Variants in LRWD1 observed in about 807,000 individuals in gnomAD.
The protein encoded by LRWD1 is leucine-rich repeat and WD repeat-containing protein 1.
In LRWD1, 76 loss-of-function variants were observed where a neutral mutation model predicts 75.6. The ratio of observed to expected loss-of-function variants is 1.01; its 90% CI spans 0.84 to 1.22. The LOEUF (loss-of-function observed/expected upper bound fraction) is 1.22, where lower values mean the gene tolerates loss of function less well. LRWD1 is among the 50% of genes most tolerant of loss of function. The pLI, the probability that LRWD1 is intolerant of heterozygous loss-of-function variation, is 0.00. For synonymous variants in LRWD1, 487 were observed against 377.0 expected (o/e 1.29, Z -3.38); for missense variants, 917 against 862.0 (o/e 1.06, Z -0.80).
At position 102,469,859 on chromosome 7, in the gene LRWD1, G is replaced by A. The variant is rs1798134053; in HGVS notation, c.1419G>A (p.Arg473=). Residue 473 remains arginine (R), a synonymous_variant, in exon 11 of 15, where the codon CGG becomes CGA. Transcript: ENST00000292616. ...GCGGCTGCTGCTGCTGGGACGTGCG[G>A]CTGGACCAGCCCCAAAAGAGGAGGT... ...CEGGCCCWDV[R]LDQPQKRRVC... 16 of 1,587,594 alleles carry A rather than the reference G, an allele frequency of 1.0e-5. No individual in the cohort carries two copies. Among genetic ancestry groups the A allele is most frequent in the Non-Finnish European group, 1.3e-5 (15 of 1,168,592 alleles).
chr7:102,469,535 T>A (rs749904176), intron 9 of LRWD1, 39 bp from the exon 10 acceptor site: 2 of 1,610,792 alleles, frequency 1.2e-6, no homozygotes, highest in East Asian at 2.2e-5. Flanking sequence ...AGCAGGGTCA[T>A]CTCAGGGCCA....
rs750754791 is a variant in LRWD1 at position 102,468,281 on chromosome 7, C to A, written c.823C>A (p.Pro275Thr). Residue 275 changes from proline (P) to threonine (T), a missense_variant, in exon 7 of 15, where the codon CCC becomes ACC. Transcript: ENST00000292616. ...CCCACAGCCTGCTGTGAAGCTGGAG[C>A]CCCTGCACTTCCTGCAGTGCCACAG... ...DGSQPAVKLEPLHFLQCHSKN... is the reference protein window; with the variant it reads ...DGSQPAVKLETLHFLQCHSKN... 14 of 1,609,964 alleles carry A rather than the reference C, an allele frequency of 8.7e-6. No homozygotes were observed. Among genetic ancestry groups the A allele is most frequent in the African/African-American group, 1.3e-5 (1 of 74,928 alleles).
chr7:102,465,764 G>T, intron 1 of LRWD1, 53 bp from the exon 2 acceptor site: 1 of 1,355,962 alleles, frequency 7.4e-7, no homozygotes, highest in Non-Finnish European at 1.1e-6. Context: ...GGGGCAGATT[G>T]GTGTAGGGTG....
Position 102,472,102 on chromosome 7 carries a change from C to G in LRWD1, c.1443-116C>G, listed in dbSNP as rs544805605. 51 of 918,642 alleles carry G rather than the reference C, an allele frequency of 5.6e-5. No homozygotes were observed. The South Asian group carries it at 6.8e-4, about 12-fold the overall frequency. 56.9% of individuals were successfully genotyped at this position (918,642 alleles called of 1,614,324 possible). On this transcript the variant is annotated intron_variant, in intron 11 of 14. Transcript: ENST00000292616. Reference sequence around the variant, plus strand: ...GAATGTATCTCTTTGGTGGCATCTTCTGTGCAGCCTTCACACAGGGCAGGG... The same window carrying G: ...GAATGTATCTCTTTGGTGGCATCTTGTGTGCAGCCTTCACACAGGGCAGGG...
intron 3 of LRWD1, among the ~76,000 whole-genome samples, 168 bp from the exon 4 acceptor site, chr7:102,467,171 G>GGGTGT (rs1245223810): frequency 8.1e-5 from 8 of 99,148 alleles, no homozygotes; most frequent in Admixed American, 4.3e-4. Flanking sequence ...GTGTGTGTGG[G>GGGTGT]GTGTGTGTGT....
intron 10 of LRWD1, 26 bp downstream of exon 10, chr7:102,469,672 G>GT: frequency 6.2e-7 from 1 of 1,614,108 alleles, no homozygotes; most frequent in Non-Finnish European, 8.5e-7. Flanking sequence ...AGGCTGGGGA[G>GT]TGGCCAGCTG....
chr7:102,472,520 G>A lies in LRWD1; in HGVS notation c.1601G>A (p.Gly534Asp), dbSNP rs767803214. Residue 534 changes from glycine (G) to aspartate (D), a missense_variant, in exon 13 of 15, where the codon GGC becomes GAC. Physicochemically the swap from Gly to Asp is moderately conservative, Grantham distance 94 (BLOSUM62 -1). Coordinates refer to ENST00000292616, the MANE Select transcript of LRWD1 (RefSeq NM_152892.3). ...TGGAGGCAGACGTGGGGGGGCCGGG[G>A]CAGCCAGTCCACGGTGGCAGTGGTG... ...WSWRQTWGGR[G>D]SQSTVAVVVL... 8 of 1,566,130 alleles carry A rather than the reference G, an allele frequency of 5.1e-6. No homozygotes were observed. Among genetic ancestry groups the A allele is most frequent in the Non-Finnish European group, 5.2e-6 (6 of 1,157,200 alleles).
intron 3 of LRWD1, among the ~76,000 whole-genome samples, 173 bp from the exon 4 acceptor site, chr7:102,467,166 T>G (rs1412253969): frequency 3.8e-5 from 2 of 53,188 alleles, no homozygotes; most frequent in East Asian, 4.4e-4. Flanking sequence ...CTGGGGTGTG[T>G]GTGGGGTGTG....
Position 102,473,048 on chromosome 7 carries a change from A to G in LRWD1, c.1943A>G (p.Ter648TrpextTer12). Residue 648 changes from the stop codon to tryptophan, a stop_lost, in exon 15 of 15, where the codon TAG (stop) becomes TGG (tryptophan). Transcript: ENST00000292616. ...ATCGTAGCCATCTGGGGGAGGATGT[A>G]GCCTCACACCATCGCAAAGGACCAG... is the stretch of plus-strand genomic sequence containing the variant. ...SNIVAIWGRM[*>W] 6.2e-7 allele frequency: 1 copy of G among 1,610,710 alleles called. No homozygotes were observed. Among genetic ancestry groups the G allele is most frequent in the African/African-American group, 1.3e-5 (1 of 74,866 alleles).
chr7:102,472,553 C>A lies in LRWD1; in HGVS notation c.1634C>A (p.Ala545Glu), dbSNP rs372186219. ...SQSTVAVVVL[A>E]RLQWSSTELA... ...TCCACGGTGGCAGTGGTGGTCCTGG[C>A]GCGGCTGCAATGGTCGTCCACCGAG... is the stretch of plus-strand genomic sequence containing the variant. Residue 545 changes from alanine to glutamate, a missense_variant, in exon 13 of 15, where the codon GCG becomes GAG. Physicochemically the swap from Ala to Glu is moderately radical, Grantham distance 107 (BLOSUM62 -1). Transcript: ENST00000292616. The A allele has an allele frequency of 4.4e-6, 7 of 1,595,312 alleles. No homozygotes were observed. In the Admixed American group the frequency reaches 1.2e-4, roughly 28 times the overall value.
chr7:102,472,350 A>G (rs752345795), intron 12 of LRWD1, 41 bp downstream of exon 12: 79 of 1,553,238 alleles, frequency 5.1e-5, no homozygotes, highest in Non-Finnish European at 1.2e-5. Context: ...GCCTCCGGGC[A>G]CACAGATGGA....
chr7:102,472,905 C>G lies in LRWD1; in HGVS notation c.1804-4C>G. On this transcript the variant is annotated splice_region_variant and splice_polypyrimidine_tract_variant and intron_variant, in intron 14 of 14. Transcript: ENST00000292616. Reference sequence around the variant, plus strand: ...AGCCCAGCCCTCCCCTCTCTCCCCACCAGATCCTGAAGTGGCCCCAGCCCT... The same window carrying G: ...AGCCCAGCCCTCCCCTCTCTCCCCAGCAGATCCTGAAGTGGCCCCAGCCCT... The G allele has an allele frequency of 6.2e-7, 1 of 1,613,558 alleles. No homozygotes were observed. Among genetic ancestry groups the G allele is most frequent in the South Asian group, 1.1e-5 (1 of 91,064 alleles).
At chr7:102,470,001 C>T (rs1034500344) in intron 11 of LRWD1, 119 bp downstream of exon 11, 1 of 1,251,048 alleles carries the variant, frequency 8.0e-7, no homozygotes, top group African/African-American at 1.5e-5. Flanking sequence ...TTTTTAGAGG[C>T]CTCTTCGCAG....
intron 4 of LRWD1, 41 bp from the exon 5 acceptor site, chr7:102,467,678 T>TGG: frequency 6.5e-7 from 1 of 1,542,374 alleles, no homozygotes; most frequent in East Asian, 2.4e-5. Flanking sequence ...TGGGGGCACC[T>TGG]GGGACTCTGC....
rs1798259855 is a variant in LRWD1 at position 102,472,922 on chromosome 7, C to A, written c.1817C>A (p.Pro606His). Reference protein sequence around the residue: ...LQAPTQILKWPQPWALGQVVT... With the variant: ...LQAPTQILKWHQPWALGQVVT... ...TCTCCCCACCAGATCCTGAAGTGGC[C>A]CCAGCCCTGGGCCCTTGGCCAGGTG... The change falls in exon 15 of 15, where the codon CCC becomes CAC. Residue 606 changes from proline to histidine, a missense_variant. Physicochemically the swap from Pro to His is moderately conservative, Grantham distance 77 (BLOSUM62 -2). Coordinates refer to ENST00000292616, the MANE Select transcript of LRWD1 (RefSeq NM_152892.3). The A allele has an allele frequency of 1.9e-6, 3 of 1,613,972 alleles. No homozygotes were observed. Among genetic ancestry groups the A allele is most frequent in the Non-Finnish European group, 2.5e-6 (3 of 1,179,954 alleles).
At position 102,467,807 on chromosome 7, in the gene LRWD1, C is replaced by G; in HGVS notation, c.662C>G (p.Ala221Gly). 6.4e-7 allele frequency: 1 copy of G among 1,550,542 alleles called. No homozygotes were observed. The highest frequency in any genetic ancestry group is 8.7e-7 in the Non-Finnish European group (1 of 1,147,102). The change falls in exon 5 of 15, where the codon GCT becomes GGT. Residue 221 changes from alanine (A) to glycine (G), a missense_variant. By Grantham distance (60) the Ala-to-Gly change is moderately conservative (BLOSUM62 0). Coordinates refer to ENST00000292616, the MANE Select transcript of LRWD1 (RefSeq NM_152892.3). The stretch of plus-strand genomic sequence containing the variant: ...CCAGAGAAGCCCCCAGAAGCTGGAG[C>G]TGCCCACAAGCCCAGGGTGAGTGCA... Reference protein sequence around the residue: ...NSPEKPPEAGAAHKPRARLAA... With the variant: ...NSPEKPPEAGGAHKPRARLAA...
rs199657815 is a variant in LRWD1 at position 102,473,117 on chromosome 7, G to T, written c.*68G>T. ...TATTCAGCTTTGGGCCGATGGGGGT[G>T]GGGGGGGGTCTTTCAGTGAATATTT... On this transcript the variant is annotated 3_prime_UTR_variant, in exon 15 of 15. Coordinates refer to ENST00000292616, the MANE Select transcript of LRWD1 (RefSeq NM_152892.3). The T allele has an allele frequency of 6.2e-4, 94 of 150,566 alleles. No homozygotes were observed. The highest frequency in any genetic ancestry group is 1.1e-3 in the East Asian group (13 of 11,934). The allele number at this position is 150,566 out of a possible 1,614,324, so 9.3% of individuals were successfully genotyped here.
chr7:102,465,333 C>A (rs1340561066), intron 1 of LRWD1, among the ~76,000 whole-genome samples, 173 bp downstream of exon 1: 1 of 152,158 alleles, frequency 6.6e-6, no homozygotes, highest in Non-Finnish European at 1.5e-5. Flanking sequence ...GCCGGGAGCC[C>A]CGAGGGGCCT....
At chr7:102,471,840 C>A (rs1798199712) in intron 11 of LRWD1, 1 of 235,034 alleles carries the variant, frequency 4.3e-6, no homozygotes, top group Non-Finnish European at 8.5e-6. Flanking sequence ...GCAGATGCCC[C>A]CAACAGCCCC....
Sources: gnomAD v4.1 joint callset for allele counts (sites outside exome capture counted in the v4.1 genomes callset) on GRCh38, gnomAD v4.1.1 for gene constraint, MANE v1.5 for transcripts, NCBI Gene and HGNC (gene_info 2026-07-23, HGNC 2026-07-21) for gene names.